The following EVI5L variants were observed in gnomAD, a reference collection of about 807,000 sequenced individuals.
The protein encoded by EVI5L is EVI5-like protein.
In EVI5L, 30 loss-of-function variants were observed where a neutral mutation model predicts 106.1. The ratio of observed to expected loss-of-function variants is 0.28; its 90% confidence interval spans 0.21 to 0.38. The LOEUF is 0.38. EVI5L is among the 10% of genes least tolerant of loss of function. EVI5L has a pLI of 1.00. For missense variants in EVI5L, 809 were observed against 1,098.0 expected, an observed-to-expected ratio of 0.74 and a Z score of 3.72; for synonymous variants, 489 against 483.3, an observed-to-expected ratio of 1.01 and a Z score of -0.15.
In EVI5L at chr19:7,863,941, C is replaced by T. The variant is rs1979994514; in HGVS notation, c.*239C>T. The T allele has an allele frequency of 2.0e-6, 1 of 505,188 alleles. No individual in the cohort carries two copies. Among genetic ancestry groups the T allele is most frequent in the Non-Finnish European group, 3.3e-6 (1 of 301,124 alleles). The allele number at this position is 505,188 out of a possible 1,614,324, so 31.3% of individuals were successfully genotyped here. On this transcript the variant is annotated 3_prime_UTR_variant, in exon 20 of 20. Transcript: ENST00000538904. This position sits in a 1 kb window ranked among gnomAD's most constrained non-coding sequence, Gnocchi z 7.7. Reference sequence around the variant, plus strand: ...TTACCCATCTTGGTCTGTACCCCTCCGGGCCCTCTGGCGTTCCAGGGGTGC... The same window carrying T: ...TTACCCATCTTGGTCTGTACCCCTCTGGGCCCTCTGGCGTTCCAGGGGTGC...
intron 8 of EVI5L, 36 bp from the exon 9 acceptor site, chr19:7,853,050 A>G (rs558062912): frequency 1.2e-6 from 2 of 1,612,020 alleles, no homozygotes; most frequent in African/African-American, 1.3e-5. Flanking sequence ...CAGGGCCTGC[A>G]TGTTGGTGAC....
intron 1 of EVI5L, among the ~76,000 whole-genome samples, chr19:7,832,508 A>C (rs1005365241): frequency 1.3e-5 from 2 of 152,060 alleles, no homozygotes; most frequent in Non-Finnish European, 2.9e-5. Flanking sequence ...AGAGCGGCTA[A>C]ATTTTTAGAA....
intron 1 of EVI5L, among the ~76,000 whole-genome samples, chr19:7,837,752 G>A (rs1490940063): frequency 6.6e-6 from 1 of 152,142 alleles, no homozygotes; most frequent in Non-Finnish European, 1.5e-5. Flanking sequence ...CCAGGGTGGA[G>A]TGCAATTGTG....
chr19:7,853,967 G>A (rs1163064226), intron 10 of EVI5L, among the ~76,000 whole-genome samples: 2 of 152,150 alleles, frequency 1.3e-5, no homozygotes, highest in African/African-American at 4.8e-5. Context: ...CCCTTTACAC[G>A]TGATTTTAGT....
chr19:7,863,794 A>C lies in EVI5L; in HGVS notation c.*92A>C. ...CTGCTCCCCACCTGCCGCACTTGACAAACTACGCGCCCTCTGTGGCTCGGC... is the reference window on the plus strand; with the variant it reads ...CTGCTCCCCACCTGCCGCACTTGACCAACTACGCGCCCTCTGTGGCTCGGC... On this transcript the variant is annotated 3_prime_UTR_variant, in exon 20 of 20. Transcript: ENST00000538904. This position sits in a 1 kb window ranked among gnomAD's most constrained non-coding sequence, Gnocchi z 7.7. 1 of 1,404,506 alleles carries C rather than the reference A, an allele frequency of 7.1e-7. No individual in the cohort carries two copies. The highest frequency in any genetic ancestry group is 1.5e-5 in the South Asian group (1 of 64,938). 87.0% of individuals were successfully genotyped at this position (1,404,506 alleles called of 1,614,324 possible).
At chr19:7,846,280 G>A (rs548941272) in intron 1 of EVI5L, among the ~76,000 whole-genome samples, 2 of 152,282 alleles carry the variant, frequency 1.3e-5, no homozygotes, top group Admixed American at 6.5e-5. Flanking sequence ...CCAGACATCC[G>A]GCCTGATGAC....
In EVI5L at chr19:7,850,505, C is replaced by T. The variant is rs540699006; in HGVS notation, c.753+383C>T. ...TGCCTGATTACTGGAGAGCCGCAGACGTCTGTTTATAAATAGCAGCCCCCG... is the reference window on the plus strand; with the variant it reads ...TGCCTGATTACTGGAGAGCCGCAGATGTCTGTTTATAAATAGCAGCCCCCG... On this transcript the variant is annotated intron_variant, in intron 6 of 19. Coordinates refer to ENST00000538904, the MANE Select transcript of EVI5L (RefSeq NM_001159944.3). This position sits in a 1 kb window ranked among gnomAD's most constrained non-coding sequence, Gnocchi z 5.4. 3.4e-4 allele frequency among the ~76,000 whole-genome samples: 52 copies of T among 152,284 alleles called. No homozygotes were observed. The highest frequency in any genetic ancestry group is 3.3e-3 in the South Asian group (16 of 4,830).
chr19:7,855,943 T>C, intron 10 of EVI5L, 72 bp from the exon 11 acceptor site: 1 of 1,276,072 alleles, frequency 7.8e-7, no homozygotes. Context: ...ACCCCGGCAG[T>C]GGGTAAATGA....
In EVI5L at chr19:7,851,563, A is replaced by G; in HGVS notation, c.883A>G (p.Ile295Val). The G allele has an allele frequency of 6.2e-7, 1 of 1,612,558 alleles. No homozygotes were observed. Among genetic ancestry groups the G allele is most frequent in the Non-Finnish European group, 8.5e-7 (1 of 1,179,344 alleles). Residue 295 changes from isoleucine (I) to valine (V), a missense_variant, in exon 7 of 20, where the codon ATC becomes GTC. By Grantham distance (29) the Ile-to-Val change is conservative. Coordinates refer to ENST00000538904, the MANE Select transcript of EVI5L (RefSeq NM_001159944.3). The part of the protein sequence containing the change: ...PLPVATRVFD[I>V]FMYEGLEIVF... The stretch of plus-strand genomic sequence containing the variant: ...CCCCGTCGCCACCCGGGTCTTTGAC[A>G]TCTTCATGTATGAGGTGAGGACCGA...
rs1373100070 is a variant in EVI5L at position 7,857,560 on chromosome 19, TG to T, written c.1233+437del. 1 of 229,134 alleles carries T rather than the reference TG, an allele frequency of 4.4e-6. No individual in the cohort carries two copies. The highest frequency in any genetic ancestry group is 2.3e-5 in the African/African-American group (1 of 43,620). The allele number at this position is 229,134 out of a possible 1,614,324, so 14.2% of individuals were successfully genotyped here. On this transcript the variant is annotated intron_variant, in intron 12 of 19. Transcript: ENST00000538904. This position sits in a 1 kb window ranked among gnomAD's most constrained non-coding sequence, Gnocchi z 4.5. ...GCTCTCTGCTCCTACCTGCAATGCCTGCTACCACCTTCTCTAGCTCACCTGC... is the reference window on the plus strand; with the variant it reads ...GCTCTCTGCTCCTACCTGCAATGCCTCTACCACCTTCTCTAGCTCACCTGC...
Position 7,850,955 on chromosome 19 carries a change from A to G in EVI5L, c.754-479A>G, listed in dbSNP as rs1326558138. 6.6e-6 allele frequency among the ~76,000 whole-genome samples: 1 copy of G among 152,062 alleles called. No individual in the cohort carries two copies. Among genetic ancestry groups the G allele is most frequent in the Non-Finnish European group, 1.5e-5 (1 of 68,000 alleles). ...TCTAGAGTTCAGGCCAATCCAACAC[A>G]GCTTGCACAAAGCTTTATGCTGGGG... is the stretch of plus-strand genomic sequence containing the variant. On this transcript the variant is annotated intron_variant, in intron 6 of 19. Coordinates refer to ENST00000538904, the MANE Select transcript of EVI5L (RefSeq NM_001159944.3). This position sits in a 1 kb window ranked among gnomAD's most constrained non-coding sequence, Gnocchi z 5.4.
At chr19:7,861,123 G>A (rs1244264378) in intron 14 of EVI5L, among the ~76,000 whole-genome samples, 1 of 152,138 alleles carries the variant, frequency 6.6e-6, no homozygotes, top group African/African-American at 2.4e-5. Context: ...ACTCTCCCAC[G>A]GAGCTCCCAG....
chr19:7,847,873 C>T lies in EVI5L; in HGVS notation c.279C>T (p.Ile93=), dbSNP rs193137808. Residue 93 remains isoleucine, a synonymous_variant, in exon 3 of 20, where the codon ATC becomes ATT. Coordinates refer to ENST00000538904, the MANE Select transcript of EVI5L (RefSeq NM_001159944.3). ...EEDTWILWGR[I]ANEWEEWRRR... ...ACACGTGGATCCTGTGGGGCCGGAT[C>T]GCCAACGAGTGGGAGGAGTGGCGGC... The T allele has an allele frequency of 4.5e-5, 72 of 1,591,188 alleles. No homozygotes were observed. The East Asian group carries it at 4.6e-4, about 10-fold the overall frequency.
Position 7,830,322 on chromosome 19 carries a change from C to T in EVI5L, c.-107C>T, listed in dbSNP as rs1978289739. The T allele has an allele frequency of 6.6e-6, 1 of 151,132 alleles. No individual in the cohort carries two copies. Among genetic ancestry groups the T allele is most frequent in the South Asian group, 1.8e-4 (1 of 5,656 alleles). The allele number at this position is 151,132 out of a possible 1,614,324, so 9.4% of individuals were successfully genotyped here. ...GCGGGGCGAACGGCGCGGCTAGGAT[C>T]CGGCGGCTCAGCCCGGGGCGGCGAG... is the stretch of plus-strand genomic sequence containing the variant. On this transcript the variant is annotated 5_prime_UTR_variant, in exon 1 of 20. Transcript: ENST00000538904.
chr19:7,863,959 A>AG lies in EVI5L; in HGVS notation c.*261dup, dbSNP rs1355709210. 3 of 460,656 alleles carry AG rather than the reference A, an allele frequency of 6.5e-6. No homozygotes were observed. Among genetic ancestry groups the AG allele is most frequent in the African/African-American group, 6.2e-5 (3 of 48,690 alleles). 28.5% of individuals were successfully genotyped at this position (460,656 alleles called of 1,614,324 possible). A position where few individuals can be genotyped will look rare whatever the true frequency, so the allele number is the denominator to read the frequency against. ...ACCCCTCCGGGCCCTCTGGCGTTCC[A>AG]GGGGTGCCTGGAGGGGCTGACTGCT... On this transcript the variant is annotated 3_prime_UTR_variant, in exon 20 of 20. Coordinates refer to ENST00000538904, the MANE Select transcript of EVI5L (RefSeq NM_001159944.3). The surrounding 1 kb of genome is among the most constrained non-coding windows in gnomAD (Gnocchi z 7.7).
chr19:7,863,344 C>T lies in EVI5L; in HGVS notation c.2139+64C>T. 1 of 1,545,690 alleles carries T rather than the reference C, an allele frequency of 6.5e-7. No individual in the cohort carries two copies. The highest frequency in any genetic ancestry group is 8.7e-7 in the Non-Finnish European group (1 of 1,144,848). ...TCGTCGGCCTGGGACGAGCCGAGCG[C>T]AGGTGCCTTGCGGAGGATGCGGCTG... On this transcript the variant is annotated intron_variant, in intron 19 of 19. Coordinates refer to ENST00000538904, the MANE Select transcript of EVI5L (RefSeq NM_001159944.3). The surrounding 1 kb of genome is among the most constrained non-coding windows in gnomAD (Gnocchi z 7.7).
chr19:7,848,062 G>T lies in EVI5L; in HGVS notation c.327+141G>T. On this transcript the variant is annotated intron_variant, in intron 3 of 19. Coordinates refer to ENST00000538904, the MANE Select transcript of EVI5L (RefSeq NM_001159944.3). The surrounding 1 kb of genome is among the most constrained non-coding windows in gnomAD (Gnocchi z 4.8). ...AGTGGAGATGTGCAGGCACTTTCAG[G>T]GTGTCCTGCCAGAGCACAGGGACAG... 2 of 925,480 alleles carry T rather than the reference G, an allele frequency of 2.2e-6. No individual in the cohort carries two copies. The highest frequency in any genetic ancestry group is 3.5e-5 in the South Asian group (2 of 56,538). 57.3% of individuals were successfully genotyped at this position (925,480 alleles called of 1,614,324 possible).
chr19:7,847,649 G>T, intron 2 of EVI5L, 83 bp from the exon 3 acceptor site: 3 of 1,438,960 alleles, frequency 2.1e-6, no homozygotes, highest in Non-Finnish European at 1.9e-6. Flanking sequence ...AGACCCCCAG[G>T]AGGGGGAGGA....
intron 8 of EVI5L, 77 bp downstream of exon 8, chr19:7,851,847 C>G: frequency 2.3e-6 from 3 of 1,318,392 alleles, no homozygotes; most frequent in Non-Finnish European, 3.0e-6. Context: ...TCACAAGTGA[C>G]AGAGAGGGCC....
Sources: allele counts gnomAD v4.1 joint callset (sites outside exome capture counted in the v4.1 genomes callset), GRCh38; gene constraint gnomAD v4.1.1; non-coding constraint Gnocchi (gnomAD v3.1); transcripts MANE v1.5; gene names NCBI Gene and HGNC (gene_info 2026-07-23, HGNC 2026-07-21).